ADPRHL1: variants seen among roughly 807,000 people sequenced by gnomAD.
ADPRHL1 encodes inactive ADP-ribosyltransferase ARH2.
ADPRHL1 carries 43 observed loss-of-function variants against 44.1 expected under a neutral mutation model. That is an observed-to-expected ratio of 0.98 (90% CI 0.76 to 1.26). The LOEUF is 1.26. ADPRHL1 is among the 50% of genes most tolerant of loss of function. ADPRHL1 has a pLI of 0.00. For synonymous variants in ADPRHL1, 878 were observed against 1,017.4 expected (o/e 0.86, Z 2.61); for missense variants, 2,022 against 2,496.9 (o/e 0.81, Z 4.05).
intron 7 of ADPRHL1, chr13:113,410,077 G>A (rs896172719): frequency 8.7e-5 from 86 of 985,264 alleles, no homozygotes; most frequent in Non-Finnish European, 1.0e-4. Flanking sequence ...AGGTGACAGC[G>A]GCTGACCACA....
intron 3 of ADPRHL1, among the ~76,000 whole-genome samples, chr13:113,430,792 A>T (rs1247359119): frequency 6.6e-6 from 1 of 151,136 alleles, no homozygotes; most frequent in East Asian, 1.9e-4. Flanking sequence ...GTTGCTAGCG[A>T]CAGCAGCAGT....
chr13:113,431,284 C>T (rs922884891), intron 3 of ADPRHL1, among the ~76,000 whole-genome samples: 2 of 152,258 alleles, frequency 1.3e-5, no homozygotes, highest in African/African-American at 2.4e-5. Context: ...CCACTCAACA[C>T]GGCCGCTACA....
chr13:113,403,863 G>A lies in ADPRHL1; in HGVS notation c.5419C>T (p.Gln1807Ter). 1.6e-6 allele frequency: 2 copies of A among 1,252,056 alleles called. No individual in the cohort carries two copies. The highest frequency in any genetic ancestry group is 2.0e-6 in the Non-Finnish European group (2 of 1,001,874). 77.6% of individuals were successfully genotyped at this position (1,252,056 alleles called of 1,614,324 possible). Reference protein sequence around the residue: ...QERAWEQGREQALTSGMAPRA... With the variant: ...QERAWEQGRE ...GGCGCCATCCCACTTGTCAAGGCCT[G>A]TTCCCGACCCTGTTCCCAAGCCCGT... The change falls in exon 8 of 8, where the codon CAG becomes TAG. Residue 1807 changes from glutamine to a stop codon, truncating the protein, a stop_gained. Coordinates refer to ENST00000612156, the MANE Select transcript of ADPRHL1 (RefSeq NM_001394807.1). LOFTEE classifies it low-confidence loss of function (END_TRUNC).
chr13:113,428,983 C>T lies in ADPRHL1; in HGVS notation c.615G>A (p.Glu205=). 1 of 1,612,820 alleles carries T rather than the reference C, an allele frequency of 6.2e-7. No individual in the cohort carries two copies. The highest frequency in any genetic ancestry group is 1.1e-5 in the South Asian group (1 of 91,090). ...DMLRAVPLAE[E]YCRKTIRHTA... ...TGTGCCGGATGGTCTTCCTGCAGTA[C>T]TCTTCTGCCAGAGGCACCGCCCGCA... Residue 205 remains glutamate (E), a synonymous_variant, in exon 4 of 8, where the codon GAG becomes GAA. Coordinates refer to ENST00000612156, the MANE Select transcript of ADPRHL1 (RefSeq NM_001394807.1).
At chr13:113,427,083 A>G (rs933991178) in intron 4 of ADPRHL1, among the ~76,000 whole-genome samples, 1 of 152,240 alleles carries the variant, frequency 6.6e-6, no homozygotes, top group Admixed American at 6.5e-5. Flanking sequence ...CAGAGCTTTA[A>G]ACTGGTATCT....
At chr13:113,442,388 G>A (rs757694046) in intron 2 of ADPRHL1, among the ~76,000 whole-genome samples, 78 of 152,256 alleles carry the variant, frequency 5.1e-4, no homozygotes, top group Non-Finnish European at 1.0e-3. Context: ...CCAGGAGGCT[G>A]AGGCTGCAGT....
Position 113,408,119 on chromosome 13 carries a change from A to T in ADPRHL1, c.1163T>A (p.Ile388Asn). The T allele has an allele frequency of 8.1e-7, 1 of 1,231,984 alleles. No individual in the cohort carries two copies. Among genetic ancestry groups the T allele is most frequent in the East Asian group, 3.2e-5 (1 of 31,684 alleles). 76.3% of individuals were successfully genotyped at this position (1,231,984 alleles called of 1,614,324 possible). Residue 388 changes from isoleucine to asparagine, a missense_variant, in exon 8 of 8, where the codon ATC becomes AAC. Physicochemically the swap from Ile to Asn is moderately radical, Grantham distance 149. Around this residue, in one of 8 missense-constraint regions of ADPRHL1, gnomAD observed 1,221 missense variants for 1,517.8 expected, o/e 0.80. Transcript: ENST00000612156. The part of the protein sequence containing the change: ...KLACDPAAHS[I>N]LSSLLLYVTG... ...GACGTAGAGCAGCAGGCTGCTGAGG[A>T]TGGAGTGGGCGGCCGGGTCACAGGC...
intron 2 of ADPRHL1, among the ~76,000 whole-genome samples, chr13:113,437,181 A>C (rs963409901): frequency 2.1e-5 from 3 of 145,502 alleles, no homozygotes; most frequent in African/African-American, 7.8e-5. Flanking sequence ...GAGTGAACAT[A>C]GGTGTACCCC....
intron 2 of ADPRHL1, among the ~76,000 whole-genome samples, chr13:113,434,548 G>T: frequency 6.8e-6 from 1 of 147,178 alleles, no homozygotes; most frequent in Non-Finnish European, 1.5e-5. Flanking sequence ...TGTACCCCGG[G>T]ACCCGGCACC....
intron 7 of ADPRHL1, among the ~76,000 whole-genome samples, chr13:113,415,750 C>CAAAAAAAAAAAAAA (rs71214119): frequency 1.6e-4 from 10 of 63,036 alleles, no homozygotes; most frequent in African/African-American, 3.0e-4. Flanking sequence ...GACTCCATCT[C>CAAAAAAAAAAAAAA]AAAAAAAAAA....
At chr13:113,434,840 G>A (rs35933505) in intron 2 of ADPRHL1, among the ~76,000 whole-genome samples, 4 of 116,956 alleles carry the variant, frequency 3.4e-5, no homozygotes, top group African/African-American at 6.9e-5. Flanking sequence ...GGTGTACCCC[G>A]GGACCCGGCA....
At chr13:113,439,632 G>A (rs9604110) in intron 2 of ADPRHL1, among the ~76,000 whole-genome samples, 1 of 151,334 alleles carries the variant, frequency 6.6e-6, no homozygotes, top group Admixed American at 6.6e-5. Context: ...ATTTTTAGTA[G>A]AGACAGGGTT....
Position 113,406,404 on chromosome 13 carries a change from CTT to C in ADPRHL1, c.2876_2877del (p.Lys959ArgfsTer4). On this transcript the variant is annotated frameshift_variant, in exon 8 of 8. Coordinates refer to ENST00000612156, the MANE Select transcript of ADPRHL1 (RefSeq NM_001394807.1). LOFTEE classifies it low-confidence loss of function (END_TRUNC). The stretch of plus-strand genomic sequence containing the variant: ...GGACCGTGTGAATTCTCAAAGCTGC[CTT>C]TGTTTTCCTTCCCGCCAGCAGGATC... ...QTDPAGGKENKGSFENSHGPR... is the reference protein window; with the variant it reads ...QTDPAGGKENXGSFENSHGPR... The C allele has an allele frequency of 8.1e-7, 1 of 1,232,098 alleles. No homozygotes were observed. Among genetic ancestry groups the C allele is most frequent in the Non-Finnish European group, 1.0e-6 (1 of 987,986 alleles). The allele number at this position is 1,232,098 out of a possible 1,614,324, so 76.3% of individuals were successfully genotyped here.
At chr13:113,432,474 G>A (rs2044014029) in intron 3 of ADPRHL1, among the ~76,000 whole-genome samples, 1 of 152,206 alleles carries the variant, frequency 6.6e-6, no homozygotes, top group African/African-American at 2.4e-5. Flanking sequence ...GCGCCCAGTT[G>A]CAGCACTCAG....
Position 113,453,132 on chromosome 13 carries a change from T to C in ADPRHL1, c.214+92A>G. The C allele has an allele frequency of 7.1e-7, 1 of 1,407,886 alleles. No homozygotes were observed. Among genetic ancestry groups the C allele is most frequent in the South Asian group, 1.2e-5 (1 of 82,450 alleles). The allele number at this position is 1,407,886 out of a possible 1,614,324, so 87.2% of individuals were successfully genotyped here. Reference sequence around the variant, plus strand: ...AACACCATCCGCTGAAGGACCGCACTGCCTTCAAAGCTCTCGGAGGCTTAC... The same window carrying C: ...AACACCATCCGCTGAAGGACCGCACCGCCTTCAAAGCTCTCGGAGGCTTAC... On this transcript the variant is annotated intron_variant, in intron 1 of 7. Transcript: ENST00000612156. The surrounding 1 kb of genome is among the most constrained non-coding windows in gnomAD (Gnocchi z 5.4).
Position 113,444,444 on chromosome 13 carries a change from G to A in ADPRHL1, c.360C>T (p.His120=), listed in dbSNP as rs775474141. Residue 120 remains histidine (H), a synonymous_variant, in exon 2 of 8, where the codon CAC becomes CAT. Coordinates refer to ENST00000612156, the MANE Select transcript of ADPRHL1 (RefSeq NM_001394807.1). ...CCTGACCTTTTTCATTGAACGGTGT[G>A]TGCCAGGCGAGAAGGTAGTTATTGG... ...LKPNNYLLAW[H]TPFNEKGSGF... 1.5e-5 allele frequency: 24 copies of A among 1,614,060 alleles called. No homozygotes were observed. Among genetic ancestry groups the A allele is most frequent in the Non-Finnish European group, 1.9e-5 (23 of 1,180,012 alleles).
In ADPRHL1 at chr13:113,407,483, C is replaced by A. The variant is rs2043817521; in HGVS notation, c.1799G>T (p.Ser600Ile). The A allele has an allele frequency of 8.1e-7, 1 of 1,232,132 alleles. No homozygotes were observed. The highest frequency in any genetic ancestry group is 1.5e-5 in the African/African-American group (1 of 64,560). 76.3% of individuals were successfully genotyped at this position (1,232,132 alleles called of 1,614,324 possible). A position where few individuals can be genotyped will look rare whatever the true frequency, so the allele number is the denominator to read the frequency against. The change falls in exon 8 of 8, where the codon AGC (serine) becomes ATC (isoleucine). Residue 600 changes from serine (S) to isoleucine (I), a missense_variant. By Grantham distance (142) the Ser-to-Ile change is moderately radical. Around this residue, in one of 8 missense-constraint regions of ADPRHL1, gnomAD observed 1,221 missense variants for 1,517.8 expected, o/e 0.80. Coordinates refer to ENST00000612156, the MANE Select transcript of ADPRHL1 (RefSeq NM_001394807.1). Reference sequence around the variant, plus strand: ...GGCAGGGGGCATCTTGACGCAGGTGCTGGCCATGGTGGCCGTGTGCAGCAC... The same window carrying A: ...GGCAGGGGGCATCTTGACGCAGGTGATGGCCATGGTGGCCGTGTGCAGCAC... ...VRVLHTATMASTCVKMPPARF... is the reference protein window; with the variant it reads ...VRVLHTATMAITCVKMPPARF...
chr13:113,402,848 CT>C lies in ADPRHL1; in HGVS notation c.*529del, dbSNP rs2043772493. ...GTCTGAGGCTGGAGGAAGCTCTGCC[CT>C]TTCTTTCGAGTCATGGGGGTGGGGC... is the stretch of plus-strand genomic sequence containing the variant. On this transcript the variant is annotated 3_prime_UTR_variant, in exon 8 of 8. Transcript: ENST00000612156. 1.3e-5 allele frequency: 2 copies of C among 152,664 alleles called. No individual in the cohort carries two copies. Among genetic ancestry groups the C allele is most frequent in the African/African-American group, 2.4e-5 (1 of 41,470 alleles). 9.5% of individuals were successfully genotyped at this position (152,664 alleles called of 1,614,324 possible). A position where few individuals can be genotyped will look rare whatever the true frequency, so the allele number is the denominator to read the frequency against.
chr13:113,442,297 A>G (rs1368161735), intron 2 of ADPRHL1, among the ~76,000 whole-genome samples: 1 of 152,220 alleles, frequency 6.6e-6, no homozygotes, highest in Non-Finnish European at 1.5e-5. Flanking sequence ...TCTACAAAAA[A>G]TAAGAAAAAC....
Sources: gnomAD v4.1 joint callset for allele counts (sites outside exome capture counted in the v4.1 genomes callset) on GRCh38, gnomAD v4.1.1 for gene constraint, gnomAD v4.1.1 regional missense constraint, Gnocchi (gnomAD v3.1) non-coding constraint, MANE v1.5 for transcripts, NCBI Gene and HGNC (gene_info 2026-07-23, HGNC 2026-07-21) for gene names.